METTL15: variants seen among roughly 807,000 people sequenced by gnomAD.
METTL15 encodes 12S rRNA N(4)-cytidine methyltransferase METTL15.
In METTL15, 34 loss-of-function variants were observed where a neutral mutation model predicts 38.3. The ratio of observed to expected loss-of-function variants is 0.89; its 90% CI spans 0.68 to 1.18. The LOEUF (loss-of-function observed/expected upper bound fraction) is 1.18, where lower values mean the gene tolerates loss of function less well. Among genes scored for constraint, METTL15 ranks in the 50% most tolerant of loss-of-function variants. The pLI is 0.00. For missense variants in METTL15, 438 were observed against 498.4 expected (o/e 0.88, Z 1.15); for synonymous variants, 162 against 170.9 (o/e 0.95, Z 0.41).
intron 5 of METTL15, among the ~76,000 whole-genome samples, chr11:28,294,248 G>A (rs1440707268): frequency 6.6e-6 from 1 of 152,026 alleles, no homozygotes; most frequent in Non-Finnish European, 1.5e-5. Context: ...TTGAAAAGGG[G>A]GAATTGATTC....
At chr11:28,436,050 A>G (rs986557174) in intron 6 of METTL15, among the ~76,000 whole-genome samples, 6 of 152,254 alleles carry the variant, frequency 3.9e-5, no homozygotes, top group Non-Finnish European at 7.3e-5. Context: ...AATACAGTCA[A>G]TAAGAGCCAG....
chr11:28,465,150 T>C (rs891548538), intron 6 of METTL15, among the ~76,000 whole-genome samples: 3 of 152,166 alleles, frequency 2.0e-5, no homozygotes, highest in Non-Finnish European at 4.4e-5. Context: ...ATTTGCTCTT[T>C]CCTTATTCAG....
intron 3 of METTL15, among the ~76,000 whole-genome samples, chr11:28,176,873 C>G (rs1002427902): frequency 6.6e-6 from 1 of 152,088 alleles, no homozygotes; most frequent in African/African-American, 2.4e-5. Context: ...GCAAGAAATA[C>G]ACACTTGATA....
chr11:28,430,623 AG>A (rs1486721926), intron 6 of METTL15, among the ~76,000 whole-genome samples: 10 of 46,842 alleles, frequency 2.1e-4, no homozygotes, highest in South Asian at 1.1e-3. Flanking sequence ...CCGCCCGGCC[AG>A]CCACCCCGTC....
chr11:28,398,227 TAAAAA>T, intron 5 of METTL15, among the ~76,000 whole-genome samples: 1 of 151,776 alleles, frequency 6.6e-6, no homozygotes, highest in Non-Finnish European at 1.5e-5. Flanking sequence ...ATTAGAAAAA[TAAAAA>T]AATTCAAAAA....
intron 6 of METTL15, among the ~76,000 whole-genome samples, chr11:28,297,253 G>A (rs77397997): frequency 9.2e-4 from 140 of 152,080 alleles, no homozygotes; most frequent in African/African-American, 3.2e-3. Context: ...GTCTACCAAG[G>A]TGAAACATGG....
At chr11:28,216,056 G>T (rs1040607964) in intron 4 of METTL15, among the ~76,000 whole-genome samples, 1 of 151,986 alleles carries the variant, frequency 6.6e-6, no homozygotes, top group African/African-American at 2.4e-5. Flanking sequence ...AGATCAGAAA[G>T]AATACAAATG....
At chr11:28,266,670 A>G (rs188870513) in intron 4 of METTL15, among the ~76,000 whole-genome samples, 7 of 152,222 alleles carry the variant, frequency 4.6e-5, no homozygotes, top group Non-Finnish European at 1.0e-4. Flanking sequence ...TAGGACATAG[A>G]CTGCACCACC....
chr11:28,111,485 C>T (rs1226877777), intron 2 of METTL15, among the ~76,000 whole-genome samples: 1 of 152,040 alleles, frequency 6.6e-6, no homozygotes. Flanking sequence ...CATTGGATGT[C>T]GGTTCCTTAA....
chr11:28,261,364 A>G (rs141460973), intron 4 of METTL15: 2 of 152,444 alleles, frequency 1.3e-5, no homozygotes, highest in African/African-American at 4.8e-5. Flanking sequence ...TCTTTCAGGG[A>G]AAATTGTCGT....
At chr11:28,419,499 AC>A (rs1850802077) in intron 5 of METTL15, among the ~76,000 whole-genome samples, 1 of 152,124 alleles carries the variant, frequency 6.6e-6, no homozygotes, top group African/African-American at 2.4e-5. Flanking sequence ...AGATCACAAC[AC>A]CCAAGTACCT....
intron 6 of METTL15, among the ~76,000 whole-genome samples, chr11:28,487,736 C>A (rs1167614822): frequency 1.3e-5 from 2 of 152,172 alleles, no homozygotes; most frequent in Non-Finnish European, 2.9e-5. Context: ...TGCCTTATCA[C>A]CATCTACCTC....
intron 4 of METTL15, among the ~76,000 whole-genome samples, chr11:28,231,819 G>T (rs188950933): frequency 1.3e-5 from 2 of 151,932 alleles, no homozygotes; most frequent in African/African-American, 4.8e-5. Context: ...AGCACACCTT[G>T]TGCTACCTTT....
chr11:28,344,010 T>G lies in METTL15; in HGVS notation c.*190-8080T>G, dbSNP rs997410309. On this transcript the variant is annotated intron_variant and NMD_transcript_variant, in intron 3 of 7. Transcript: ENST00000532947. ...TATAACATTCGTTTAAGGTGAGAACTACAAGAGTTTTTTTGCTGAATCATC... is the reference window on the plus strand; with the variant it reads ...TATAACATTCGTTTAAGGTGAGAACGACAAGAGTTTTTTTGCTGAATCATC... 3.9e-5 allele frequency among the ~76,000 whole-genome samples: 6 copies of G among 152,348 alleles called. No individual in the cohort carries two copies. The East Asian group carries it at 1.2e-3, about 29-fold the overall frequency.
At chr11:28,376,707 G>A (rs1403273419) in intron 5 of METTL15, among the ~76,000 whole-genome samples, 1 of 150,928 alleles carries the variant, frequency 6.6e-6, no homozygotes, top group East Asian at 2.0e-4. Context: ...TCATTATGAT[G>A]TTAGCTGGTT....
Position 28,359,159 on chromosome 11 carries a change from T to C in METTL15, c.*259-2778T>C, listed in dbSNP as rs1447455201. Among the ~76,000 whole-genome samples, 3 of 152,188 alleles carry C rather than the reference T, an allele frequency of 2.0e-5. No individual in the cohort carries two copies. In the East Asian group the frequency reaches 5.8e-4, roughly 29 times the overall value. ...TCCATGTGTACCCAATGTTTACCCC[T>C]CACTTAGAAGTGAGAACATGTGGTG... On this transcript the variant is annotated intron_variant and NMD_transcript_variant, in intron 4 of 7. Coordinates refer to the METTL15 transcript ENST00000532947.
intron 6 of METTL15, among the ~76,000 whole-genome samples, chr11:28,471,896 C>A (rs1851307359): frequency 1.3e-5 from 2 of 152,082 alleles, no homozygotes; most frequent in African/African-American, 4.8e-5. Context: ...GGGAAAAACT[C>A]TCTCAATGAA....
rs866603416 is a variant in METTL15 at position 28,397,566 on chromosome 11, G to A, written c.*359-26733G>A. ...ACCATCTCACACCAGTTAGAATGGC[G>A]ATCATTAAAAAGTCAGGAAACAACA... On this transcript the variant is annotated intron_variant and NMD_transcript_variant, in intron 5 of 7. Coordinates refer to the METTL15 transcript ENST00000532947. 3.8e-3 allele frequency among the ~76,000 whole-genome samples: 574 copies of A among 151,682 alleles called. 1 individual carries two copies. The highest frequency in any genetic ancestry group is 0.012 in the African/African-American group (481 of 41,364).
intron 4 of METTL15, among the ~76,000 whole-genome samples, chr11:28,214,563 A>G (rs1175976864): frequency 6.6e-6 from 1 of 152,206 alleles, no homozygotes; most frequent in Non-Finnish European, 1.5e-5. Flanking sequence ...TCAGCTAGCT[A>G]TTCTTATTTA....
Sources: allele counts gnomAD v4.1 joint callset (sites outside exome capture counted in the v4.1 genomes callset), GRCh38; gene constraint gnomAD v4.1.1; transcripts MANE v1.5; gene names NCBI Gene and HGNC (gene_info 2026-07-23, HGNC 2026-07-21).